TENM1: variants seen among roughly 807,000 people sequenced by gnomAD.
TENM1 encodes teneurin-1.
In TENM1, 35 loss-of-function variants were observed where a neutral mutation model predicts 174.8. The observed-to-expected ratio is 0.20, with a 90% CI of 0.15 to 0.27. The LOEUF (loss-of-function observed/expected upper bound fraction) is 0.27, where lower values mean the gene tolerates loss of function less well. Ranked by LOEUF, TENM1 falls within the 10% of genes least tolerant of loss-of-function variation. The pLI is 1.00. For synonymous variants in TENM1, 781 were observed against 798.7 expected, an observed-to-expected ratio of 0.98 and a Z score of 0.37; for missense variants, 1,633 against 2,130.1, an observed-to-expected ratio of 0.77 and a Z score of 4.59.
chrX:125,020,493 T>G, the TENM1 span, among the ~76,000 whole-genome samples: 1 of 106,440 alleles, frequency 9.4e-6, no homozygotes, highest in Non-Finnish European at 2.0e-5. Context: ...TTCCTGGATG[T>G]TTTTTTTTTC....
chrX:124,584,240 C>T (rs1178412210), intron 11 of TENM1, among the ~76,000 whole-genome samples: 6 of 109,376 alleles, frequency 5.5e-5, no homozygotes, highest in African/African-American at 2.0e-4. Context: ...TTGTCAGATT[C>T]ACCAAAGTTG....
At chrX:124,806,751 T>C (rs1418374246) in intron 3 of TENM1, among the ~76,000 whole-genome samples, 3 of 111,499 alleles carry the variant, frequency 2.7e-5, no homozygotes, top group African/African-American at 9.8e-5. Context: ...AAGCACGGCA[T>C]CAGCATCTAC....
chrX:125,151,143 G>A, the TENM1 span, among the ~76,000 whole-genome samples: 2 of 112,048 alleles, frequency 1.8e-5, no homozygotes, highest in South Asian at 3.7e-4. Flanking sequence ...TTATAGCAGC[G>A]GTTATATTGA....
the TENM1 span, among the ~76,000 whole-genome samples, chrX:125,054,836 C>T: frequency 9.0e-6 from 1 of 111,372 alleles, no homozygotes; most frequent in African/African-American, 3.3e-5. Context: ...CTTGGCATGA[C>T]CTTTGTGAGG....
intron 3 of TENM1, among the ~76,000 whole-genome samples, chrX:124,858,631 CA>C (rs1441025266): frequency 1.8e-5 from 2 of 111,901 alleles, no homozygotes; most frequent in African/African-American, 6.5e-5. Flanking sequence ...AAGCTGTGAG[CA>C]CATCTGTAAT....
Position 124,405,121 on chromosome X carries a change from C to A in TENM1, c.5301G>T (p.Leu1767Phe), listed in dbSNP as rs201026636. The change falls in exon 27 of 32, where the codon TTG (leucine) becomes TTT (phenylalanine). Residue 1767 changes from leucine (L) to phenylalanine (F), a missense_variant. By Grantham distance (22) the Leu-to-Phe change is conservative. Transcript: ENST00000422452. ...TGAGGTTTGCATTGTGCTCTCCGGG[C>A]AATGAGATGTTGCATTTGCCCAGGG... 198 of 1,209,910 alleles carry A rather than the reference C, an allele frequency of 1.6e-4. 1 individual carries two copies. In the East Asian group the frequency reaches 4.2e-3, roughly 26 times the overall value.
intron 5 of TENM1, 114 bp from the exon 9 acceptor site, chrX:124,671,949 A>C (rs1420001925): frequency 2.6e-6 from 2 of 766,586 alleles, no homozygotes; most frequent in African/African-American, 4.2e-5. Context: ...TAGTTAGGCC[A>C]AGTAACTGGG....
At chrX:124,894,324 G>A in exon 3 of TENM1, 1 of 1,201,254 alleles carries the variant, frequency 8.3e-7, no homozygotes, top group African/African-American at 1.8e-5. Flanking sequence ...GAGCCTCCAT[G>A]TCACAACAAA....
At chrX:125,018,838 C>T in the TENM1 span, among the ~76,000 whole-genome samples, 4 of 111,313 alleles carry the variant, frequency 3.6e-5, no homozygotes, top group East Asian at 5.6e-4. Flanking sequence ...CTAATATGAG[C>T]GGACAGATCT....
At position 124,952,189 on chromosome X, in the gene TENM1, G is replaced by C. The variant is rs914175441; in HGVS notation, c.217+11348C>G. ...CATAAGCATCCATGTTTGAATGTTAGTTGCTGCTCCATATAACATCTCTTC... is the reference window on the plus strand; with the variant it reads ...CATAAGCATCCATGTTTGAATGTTACTTGCTGCTCCATATAACATCTCTTC... On this transcript the variant is annotated intron_variant, in intron 1 of 31. Coordinates refer to ENST00000422452, the Ensembl canonical transcript of TENM1. 7.2e-5 allele frequency among the ~76,000 whole-genome samples: 8 copies of C among 111,255 alleles called. No homozygotes were observed. The East Asian group carries it at 2.3e-3, about 31-fold the overall frequency.
chrX:125,050,498 G>T, the TENM1 span, among the ~76,000 whole-genome samples: 4 of 111,117 alleles, frequency 3.6e-5, no homozygotes, highest in Non-Finnish European at 7.6e-5. Context: ...AACTCATCCT[G>T]TTTTATGGCT....
intron 15 of TENM1, among the ~76,000 whole-genome samples, chrX:124,541,584 A>G (rs937501461): frequency 2.1e-4 from 23 of 110,935 alleles, no homozygotes; most frequent in African/African-American, 6.2e-4. Context: ...AGCCAATTAA[A>G]CCTCTTTTCT....
chrX:124,708,118 A>G (rs1457848073), intron 4 of TENM1, among the ~76,000 whole-genome samples: 2 of 112,655 alleles, frequency 1.8e-5, no homozygotes, highest in African/African-American at 6.4e-5. Context: ...ACAACAAAAA[A>G]TTTCACTAAG....
At chrX:124,495,915 A>G (rs1371662260) in intron 20 of TENM1, among the ~76,000 whole-genome samples, 1 of 102,298 alleles carries the variant, frequency 9.8e-6, no homozygotes, top group Non-Finnish European at 2.0e-5. Context: ...TCGCCAAGTC[A>G]ATCCTAAGCC....
At chrX:124,405,910 T>C (rs1360227025) in intron 26 of TENM1, among the ~76,000 whole-genome samples, 2 of 107,680 alleles carry the variant, frequency 1.9e-5, no homozygotes, top group Non-Finnish European at 3.8e-5. Context: ...ATTTCACTTA[T>C]ATTCTTGCTT....
At chrX:124,536,448 T>C (rs1337181019) in intron 15 of TENM1, among the ~76,000 whole-genome samples, 1 of 111,150 alleles carries the variant, frequency 9.0e-6, no homozygotes, top group African/African-American at 3.3e-5. Flanking sequence ...CTGGGAAAGG[T>C]GGTGCTATTG....
At chrX:124,476,915 C>T (rs945741072) in intron 22 of TENM1, among the ~76,000 whole-genome samples, 1 of 112,537 alleles carries the variant, frequency 8.9e-6, no homozygotes, top group Non-Finnish European at 1.9e-5. Context: ...ACTCCATCAA[C>T]CTCTTTTCGA....
the TENM1 span, among the ~76,000 whole-genome samples, chrX:125,179,073 A>T: frequency 8.9e-6 from 1 of 111,847 alleles, no homozygotes; most frequent in Admixed American, 9.5e-5. Flanking sequence ...TAAATTAAAA[A>T]CGAATAAACA....
chrX:124,590,274 C>T (rs1358972042), intron 11 of TENM1, among the ~76,000 whole-genome samples: 1 of 111,115 alleles, frequency 9.0e-6, no homozygotes, highest in Non-Finnish European at 1.9e-5. Flanking sequence ...TAAGCAACTT[C>T]AGCAAAGTCT....
Sources: gnomAD v4.1 joint callset for allele counts (sites outside exome capture counted in the v4.1 genomes callset) on GRCh38, gnomAD v4.1.1 for gene constraint, MANE v1.5 for transcripts, NCBI Gene and HGNC (gene_info 2026-07-23, HGNC 2026-07-21) for gene names.